MLLT10: variants seen among roughly 807,000 people sequenced by gnomAD.
MLLT10 encodes MLLT10 histone lysine methyltransferase DOT1L cofactor, also known as protein AF-10.
MLLT10 carries 30 observed loss-of-function variants against 129.1 expected under a neutral mutation model. The observed-to-expected ratio is 0.23, with a 90% CI of 0.17 to 0.32. The LOEUF is 0.32. Among genes scored for constraint, MLLT10 ranks in the 10% least tolerant of loss-of-function variants. The pLI is 1.00. For synonymous variants in MLLT10, 490 were observed against 446.4 expected (o/e 1.10, Z -1.23); for missense variants, 1,119 against 1,268.3 (o/e 0.88, Z 1.79).
chr10:21,606,261 G>T (rs1381503963), intron 5 of MLLT10, among the ~76,000 whole-genome samples: 3 of 152,090 alleles, frequency 2.0e-5, no homozygotes, highest in Non-Finnish European at 4.4e-5. Flanking sequence ...CCTTTGACAA[G>T]GTACATAGTC....
intron 8 of MLLT10, chr10:21,626,018 G>A: frequency 8.6e-7 from 1 of 1,162,986 alleles, no homozygotes; most frequent in Non-Finnish European, 1.3e-6. Context: ...CCTCTGTCCT[G>A]TGGTTACATT....
intron 14 of MLLT10, among the ~76,000 whole-genome samples, chr10:21,716,421 G>A (rs765487773): frequency 6.6e-6 from 1 of 152,118 alleles, no homozygotes; most frequent in Non-Finnish European, 1.5e-5. Context: ...GGCTGGGCGT[G>A]GTGGCTCATG....
intron 6 of MLLT10, among the ~76,000 whole-genome samples, chr10:21,612,694 CTTGTTTAAAATT>C (rs2131195317): frequency 6.6e-6 from 1 of 152,236 alleles, no homozygotes; most frequent in East Asian, 1.9e-4. Flanking sequence ...TCAGTTTCGT[CTTGTTTAAAATT>C]TTGGTATTGA....
chr10:21,724,016 TTG>T (rs1293003557), intron 14 of MLLT10, among the ~76,000 whole-genome samples: 1 of 152,228 alleles, frequency 6.6e-6, no homozygotes, highest in Non-Finnish European at 1.5e-5. Flanking sequence ...TGTTTATGAA[TTG>T]TGTGTTTTAT....
chr10:21,567,770 A>G (rs564342349), intron 3 of MLLT10, among the ~76,000 whole-genome samples: 68 of 150,266 alleles, frequency 4.5e-4, no homozygotes, highest in African/African-American at 1.5e-3. Flanking sequence ...TTAACATACC[A>G]CTTTACTGGT....
At chr10:21,602,071 A>C (rs77532009) in intron 5 of MLLT10, among the ~76,000 whole-genome samples, 28,043 of 152,156 alleles carry the variant, frequency 0.18, 2,866 homozygotes, top group East Asian at 0.4. Flanking sequence ...TCAATGTCTC[A>C]GTCCTAAATT....
At chr10:21,586,271 T>C (rs1397344274) in intron 3 of MLLT10, 23 bp from the exon 4 acceptor site, 1 of 1,507,202 alleles carries the variant, frequency 6.6e-7, no homozygotes, top group African/African-American at 1.4e-5. Context: ...ATTCATTACC[T>C]GTTTCTTTTT....
At position 21,651,744 on chromosome 10, in the gene MLLT10, A is replaced by G; in HGVS notation, c.771A>G (p.Pro257=). ...CAGAACCATCACCTGCATTGGTTCC[A>G]TCCTTGACTGTTACTACAGAAAAAG... ...KQPEPSPALV[P]SLTVTTEKTY... The change falls in exon 9 of 23, where the codon CCA becomes CCG. Residue 257 remains proline (P), a synonymous_variant. Transcript: ENST00000307729. 4 of 1,612,394 alleles carry G rather than the reference A, an allele frequency of 2.5e-6. No homozygotes were observed. The highest frequency in any genetic ancestry group is 3.4e-6 in the Non-Finnish European group (4 of 1,178,858).
At chr10:21,586,655 A>G (rs545973690) in intron 4 of MLLT10, among the ~76,000 whole-genome samples, 2 of 152,266 alleles carry the variant, frequency 1.3e-5, no homozygotes, top group East Asian at 3.9e-4. Context: ...TGGGAGGCCA[A>G]GGGAGGTGGA....
At chr10:21,704,351 CTCTCTCTA>C (rs1277349239) in intron 13 of MLLT10, among the ~76,000 whole-genome samples, 162 of 62,224 alleles carry the variant, frequency 2.6e-3, no homozygotes, top group African/African-American at 8.1e-3. Flanking sequence ...CTCTCTCTCT[CTCTCTCTA>C]TATATATATA....
intron 8 of MLLT10, among the ~76,000 whole-genome samples, chr10:21,644,383 C>T (rs144650072): frequency 2.6e-5 from 4 of 151,940 alleles, no homozygotes; most frequent in Non-Finnish European, 4.4e-5. Flanking sequence ...GTTTTTGAGA[C>T]GATGGTTTAA....
intron 11 of MLLT10, among the ~76,000 whole-genome samples, chr10:21,680,339 C>T (rs1001931844): frequency 2.6e-5 from 4 of 151,684 alleles, no homozygotes; most frequent in East Asian, 1.9e-4. Flanking sequence ...CCAAGTAGCT[C>T]GGATTACAGG....
intron 5 of MLLT10, among the ~76,000 whole-genome samples, chr10:21,597,772 A>AC (rs1283911563): frequency 5.9e-5 from 9 of 152,126 alleles, no homozygotes; most frequent in African/African-American, 2.2e-4. Context: ...TTGTAGAGTG[A>AC]CCCCCTATTT....
At chr10:21,679,197 T>C (rs1246931739) in intron 11 of MLLT10, among the ~76,000 whole-genome samples, 2 of 152,190 alleles carry the variant, frequency 1.3e-5, no homozygotes, top group Non-Finnish European at 2.9e-5. Flanking sequence ...AATTAGTGTG[T>C]TTCTAAAAGT....
At chr10:21,704,357 C>CTATATATA (rs3032384) in intron 13 of MLLT10, among the ~76,000 whole-genome samples, 4 of 111,882 alleles carry the variant, frequency 3.6e-5, no homozygotes, top group African/African-American at 1.5e-4. Context: ...CTCTCTCTCT[C>CTATATATA]TATATATATA....
chr10:21,673,678 A>G lies in MLLT10; in HGVS notation c.1380A>G (p.Glu460=). The change falls in exon 11 of 23, where the codon GAA becomes GAG. Residue 460 remains glutamate, a synonymous_variant. Transcript: ENST00000307729. ...YKRAQTSGIE[E]ETVKEKKRKG... Reference sequence around the variant, plus strand: ...GGGCTCAAACTTCTGGCATAGAAGAAGAAACTGTAAAGGAAAAGAAAAGGA... The same window carrying G: ...GGGCTCAAACTTCTGGCATAGAAGAGGAAACTGTAAAGGAAAAGAAAAGGA... The G allele has an allele frequency of 6.2e-7, 1 of 1,614,176 alleles. No individual in the cohort carries two copies. The highest frequency in any genetic ancestry group is 1.3e-5 in the African/African-American group (1 of 75,056).
intron 3 of MLLT10, among the ~76,000 whole-genome samples, chr10:21,584,632 T>A (rs911273217): frequency 6.6e-6 from 1 of 151,972 alleles, no homozygotes; most frequent in Non-Finnish European, 1.5e-5. Context: ...CTTTTATGGC[T>A]TATGCTTTCT....
At chr10:21,643,235 G>A (rs1308708614) in intron 8 of MLLT10, among the ~76,000 whole-genome samples, 1 of 152,148 alleles carries the variant, frequency 6.6e-6, no homozygotes, top group African/African-American at 2.4e-5. Flanking sequence ...ATTTTACCAT[G>A]TTGGCCAGGC....
At position 21,573,767 on chromosome 10, in the gene MLLT10, G is replaced by C. The variant is rs191751113; in HGVS notation, c.241-12527G>C. ...GTGGAGACAGGGTTTCACCATGTTG[G>C]CCAGGCAGGTCTCCTGACCTCAAGT... On this transcript the variant is annotated intron_variant, in intron 3 of 22. Coordinates refer to ENST00000307729, the MANE Select transcript of MLLT10 (RefSeq NM_001195626.3). Among the ~76,000 whole-genome samples the C allele has an allele frequency of 3.8e-3, 580 of 152,056 alleles. 5 individuals are homozygous for C. The highest frequency in any genetic ancestry group is 0.013 in the African/African-American group (547 of 41,496).
Sources: gnomAD v4.1 joint callset for allele counts (sites outside exome capture counted in the v4.1 genomes callset) on GRCh38, gnomAD v4.1.1 for gene constraint, MANE v1.5 for transcripts, NCBI Gene and HGNC (gene_info 2026-07-23, HGNC 2026-07-21) for gene names.